The following PSD3 variants were observed in gnomAD, a reference collection of about 807,000 sequenced individuals.
PSD3 encodes PH and SEC7 domain-containing protein 3.
Under a neutral mutation model 105.5 loss-of-function variants are expected in PSD3, and 49 were observed. That is an observed-to-expected ratio of 0.46 (90% CI 0.37 to 0.59). The LOEUF is 0.59. Among genes scored for constraint, PSD3 ranks in the 20% least tolerant of loss-of-function variants. The probability of loss-of-function intolerance (pLI) is 0.00; values close to 1 mark genes in which losing one functional copy is unlikely to be tolerated. For synonymous variants in PSD3, 557 were observed against 457.8 expected (o/e 1.22, Z -2.77); for missense variants, 1,561 against 1,263.8 (o/e 1.24, Z -3.57).
At chr8:18,946,058 A>G (rs887846398) in intron 1 of PSD3, among the ~76,000 whole-genome samples, 56 of 152,220 alleles carry the variant, frequency 3.7e-4, no homozygotes, top group African/African-American at 1.3e-3. Flanking sequence ...GTCATTAATG[A>G]GATAATCACA....
intron 1 of PSD3, among the ~76,000 whole-genome samples, chr8:19,006,759 A>G (rs971345346): frequency 1.3e-5 from 2 of 152,072 alleles, no homozygotes; most frequent in Non-Finnish European, 2.9e-5. Context: ...AATCCTTGCC[A>G]ATACAGATGC....
At chr8:18,583,924 T>C (rs1585303708) in intron 12 of PSD3, among the ~76,000 whole-genome samples, 1 of 152,212 alleles carries the variant, frequency 6.6e-6, no homozygotes, top group South Asian at 2.1e-4. Context: ...CACTCATTAT[T>C]GACTTGCTTC....
At chr8:18,843,224 G>A (rs1258820017) in intron 4 of PSD3, among the ~76,000 whole-genome samples, 47 of 151,926 alleles carry the variant, frequency 3.1e-4, no homozygotes, top group Admixed American at 3.1e-3. Flanking sequence ...AGCCAGGTGC[G>A]GTGGCAGGCG....
chr8:18,628,386 G>T lies in PSD3; in HGVS notation c.2410+4227C>A, dbSNP rs542586171. Among the ~76,000 whole-genome samples the T allele has an allele frequency of 6.7e-5, 10 of 148,698 alleles. No individual in the cohort carries two copies. In the East Asian group the frequency reaches 1.8e-3, roughly 27 times the overall value. On this transcript the variant is annotated intron_variant, in intron 11 of 15. Transcript: ENST00000327040. ...AGAGGAACAAAGATAAGAATGATAG[G>T]AGACTTTTTTTGTCTGAAATCCTGC...
chr8:19,047,213 C>T (rs1455546298), intron 1 of PSD3, among the ~76,000 whole-genome samples: 2 of 152,164 alleles, frequency 1.3e-5, no homozygotes, highest in Non-Finnish European at 2.9e-5. Context: ...ATAAAACGCA[C>T]TCCTGATTTG....
rs541731269 is a variant in PSD3 at position 18,529,240 on chromosome 8, G to C, written c.*6503C>G. 6.6e-6 allele frequency: 1 copy of C among 152,172 alleles called. No homozygotes were observed. Among genetic ancestry groups the C allele is most frequent in the Non-Finnish European group, 1.5e-5 (1 of 68,026 alleles). The allele number at this position is 152,172 out of a possible 1,614,324, so 9.4% of individuals were successfully genotyped here. A position where few individuals can be genotyped will look rare whatever the true frequency, so the allele number is the denominator to read the frequency against. On this transcript the variant is annotated 3_prime_UTR_variant, in exon 16 of 16. Coordinates refer to ENST00000327040, the MANE Select transcript of PSD3 (RefSeq NM_015310.4). ...ATGTGATATGGATCCCCTCATTTAT[G>C]TGTTAAAAATATAATGCATCTCAAA...
At chr8:18,578,517 C>T (rs12549639) in intron 12 of PSD3, among the ~76,000 whole-genome samples, 4 of 151,882 alleles carry the variant, frequency 2.6e-5, no homozygotes, top group Non-Finnish European at 5.9e-5. Context: ...TCTATGTAAC[C>T]GTTGGGATGG....
chr8:18,955,620 G>T (rs1022429527), intron 1 of PSD3, among the ~76,000 whole-genome samples: 1 of 152,052 alleles, frequency 6.6e-6, no homozygotes, highest in South Asian at 2.1e-4. Flanking sequence ...ACAACATTGA[G>T]ATCAAAGGAA....
chr8:18,683,992 C>G (rs1165669288), intron 9 of PSD3: 2 of 721,372 alleles, frequency 2.8e-6, no homozygotes. Flanking sequence ...CCAACCGTTC[C>G]AAGGCTCTCA....
chr8:18,958,476 C>G (rs977798272), intron 1 of PSD3, among the ~76,000 whole-genome samples: 1 of 152,172 alleles, frequency 6.6e-6, no homozygotes, highest in African/African-American at 2.4e-5. Flanking sequence ...GACATAGATT[C>G]TTTCTGAGCA....
At chr8:18,680,934 T>C (rs528174879) in intron 9 of PSD3, among the ~76,000 whole-genome samples, 4 of 152,310 alleles carry the variant, frequency 2.6e-5, no homozygotes, top group African/African-American at 9.6e-5. Flanking sequence ...TTTTTTCAAA[T>C]GAATATGAAT....
chr8:18,999,004 G>T (rs967114550), intron 1 of PSD3, among the ~76,000 whole-genome samples: 1 of 151,892 alleles, frequency 6.6e-6, no homozygotes, highest in Non-Finnish European at 1.5e-5. Context: ...TCTTCCAGGT[G>T]AAAGGAAAGC....
At chr8:18,760,550 C>G (rs370558082) in intron 9 of PSD3, among the ~76,000 whole-genome samples, 2 of 152,128 alleles carry the variant, frequency 1.3e-5, no homozygotes, top group African/African-American at 2.4e-5. Flanking sequence ...CCAGATTTAT[C>G]GATGTCACAA....
At chr8:18,568,261 A>T (rs2259401) in intron 14 of PSD3, among the ~76,000 whole-genome samples, 142,824 of 152,206 alleles carry the variant, frequency 0.94, 67,109 homozygotes, top group Non-Finnish European at 0.97. Context: ...TCACATTTTT[A>T]AATCTAAATC....
At chr8:18,979,313 C>T (rs1825130173) in intron 1 of PSD3, among the ~76,000 whole-genome samples, 1 of 152,172 alleles carries the variant, frequency 6.6e-6, no homozygotes, top group African/African-American at 2.4e-5. Flanking sequence ...GAATGACTTG[C>T]TTTCACTTTG....
At chr8:18,861,105 A>G (rs1816401991) in intron 4 of PSD3, among the ~76,000 whole-genome samples, 1 of 152,176 alleles carries the variant, frequency 6.6e-6, no homozygotes, top group Admixed American at 6.5e-5. Context: ...TAAAAGAGGC[A>G]CCAAACAGAC....
chr8:18,880,211 G>C (rs1818020890), intron 2 of PSD3, among the ~76,000 whole-genome samples: 1 of 152,066 alleles, frequency 6.6e-6, no homozygotes, highest in Admixed American at 6.5e-5. Flanking sequence ...TTTAAAAAAA[G>C]ACCAAATTAT....
rs1484408195 is a variant in PSD3, at chr8:18,867,780, C to G, written c.1528G>C (p.Asp510His). The G allele has an allele frequency of 6.2e-7, 1 of 1,614,182 alleles. No individual in the cohort carries two copies. Among genetic ancestry groups the G allele is most frequent in the Non-Finnish European group, 8.5e-7 (1 of 1,180,016 alleles). Residue 510 changes from aspartate (D) to histidine (H), a missense_variant, in exon 4 of 16, where the codon GAT becomes CAT. Physicochemically the swap from Asp to His is moderately conservative, Grantham distance 81. Coordinates refer to ENST00000327040, the MANE Select transcript of PSD3 (RefSeq NM_015310.4). ...GHQDILSVSA[D>H]GGIVMGYSSG... ...GAATAGCCCATCACGATGCCACCAT[C>G]TGCAGACACACTCAGGATATCCTGA... is the stretch of plus-strand genomic sequence containing the variant.
chr8:18,841,054 A>C (rs554046983), intron 4 of PSD3, among the ~76,000 whole-genome samples: 1 of 152,310 alleles, frequency 6.6e-6, no homozygotes, highest in Non-Finnish European at 1.5e-5. Context: ...CAAGAACCTA[A>C]GTAGAGGATA....
Sources: gnomAD v4.1 joint callset for allele counts (sites outside exome capture counted in the v4.1 genomes callset) on GRCh38, gnomAD v4.1.1 for gene constraint, MANE v1.5 for transcripts, NCBI Gene and HGNC (gene_info 2026-07-23, HGNC 2026-07-21) for gene names.